The following RCAN2 variants were observed in gnomAD, a reference collection of about 807,000 sequenced individuals.
The protein encoded by RCAN2 is regulator of calcineurin 2, also known as calcipressin-2.
Under a neutral mutation model 23.6 loss-of-function variants are expected in RCAN2, and 9 were observed. The observed-to-expected ratio is 0.38, with a 90% CI of 0.23 to 0.67. The LOEUF (loss-of-function observed/expected upper bound fraction) is 0.67, where lower values mean the gene tolerates loss of function less well. Ranked by LOEUF, RCAN2 falls within the 30% of genes least tolerant of loss-of-function variation. RCAN2 has a pLI of 0.51. For synonymous variants in RCAN2, 109 were observed against 115.7 expected (o/e 0.94, Z 0.37); for missense variants, 273 against 302.3 (o/e 0.90, Z 0.72).
intron 2 of RCAN2, among the ~76,000 whole-genome samples, chr6:46,307,538 G>C (rs1190166828): frequency 2.0e-5 from 3 of 152,080 alleles, no homozygotes; most frequent in African/African-American, 7.2e-5. Flanking sequence ...TTGCTTTATT[G>C]TTGTCATTTA....
intron 2 of RCAN2, among the ~76,000 whole-genome samples, chr6:46,424,928 G>A (rs995417338): frequency 6.6e-6 from 1 of 152,180 alleles, no homozygotes; most frequent in African/African-American, 2.4e-5. Flanking sequence ...GCATAGAGTG[G>A]TGAACAAAGC....
intron 1 of RCAN2, among the ~76,000 whole-genome samples, chr6:46,485,119 G>GA (rs1319202906): frequency 1.4e-4 from 21 of 152,102 alleles, no homozygotes; most frequent in African/African-American, 4.6e-4. Context: ...CCAAAACATA[G>GA]AAAAAAATTG....
intron 2 of RCAN2, among the ~76,000 whole-genome samples, chr6:46,333,156 G>A (rs972938654): frequency 1.3e-5 from 2 of 150,834 alleles, no homozygotes; most frequent in Admixed American, 6.6e-5. Context: ...TGATGGGGTT[G>A]TTTTTTTTTC....
intron 1 of RCAN2, among the ~76,000 whole-genome samples, chr6:46,485,034 C>A (rs1301698321): frequency 6.6e-6 from 1 of 152,158 alleles, no homozygotes; most frequent in Non-Finnish European, 1.5e-5. Context: ...TGTCAGTATA[C>A]AGAGAAAGCT....
At chr6:46,423,382 A>G (rs141444710) in intron 2 of RCAN2, among the ~76,000 whole-genome samples, 1 of 152,332 alleles carries the variant, frequency 6.6e-6, no homozygotes, top group East Asian at 1.9e-4. Flanking sequence ...TCAATATTGT[A>G]GAGGATAGAA....
intron 2 of RCAN2, among the ~76,000 whole-genome samples, chr6:46,395,591 T>C (rs1300441590): frequency 1.3e-5 from 2 of 152,202 alleles, no homozygotes; most frequent in African/African-American, 4.8e-5. Flanking sequence ...TTCAGTAATA[T>C]ACCTTTAAAA....
At chr6:46,457,784 G>A (rs2150433406) in intron 1 of RCAN2, among the ~76,000 whole-genome samples, 1 of 152,256 alleles carries the variant, frequency 6.6e-6, no homozygotes, top group South Asian at 2.1e-4. Context: ...TGGTGCACAG[G>A]TCCCCGTCCC....
chr6:46,343,331 ATT>A (rs1764386199), intron 2 of RCAN2, among the ~76,000 whole-genome samples: 1 of 151,802 alleles, frequency 6.6e-6, no homozygotes, highest in South Asian at 2.1e-4. Context: ...ACCCTTATGT[ATT>A]TCACGTGAGA....
At chr6:46,451,604 C>A (rs961396681) in intron 2 of RCAN2, among the ~76,000 whole-genome samples, 1 of 152,134 alleles carries the variant, frequency 6.6e-6, no homozygotes, top group Non-Finnish European at 1.5e-5. Context: ...CACAAATAAT[C>A]AGATTTAGCT....
intron 1 of RCAN2, among the ~76,000 whole-genome samples, chr6:46,474,110 G>A (rs1448700950): frequency 6.6e-6 from 1 of 152,044 alleles, no homozygotes; most frequent in East Asian, 1.9e-4. Context: ...GGACTCAAAG[G>A]AGAAAGGGAT....
chr6:46,452,881 A>G (rs1052567721), intron 2 of RCAN2, among the ~76,000 whole-genome samples: 3 of 152,146 alleles, frequency 2.0e-5, no homozygotes, highest in Admixed American at 6.5e-5. Context: ...GCATGTGTAT[A>G]CCTATGTAAC....
intron 4 of RCAN2, among the ~76,000 whole-genome samples, chr6:46,230,204 C>A (rs530816918): frequency 2.0e-5 from 3 of 152,176 alleles, no homozygotes; most frequent in Non-Finnish European, 4.4e-5. Flanking sequence ...AGGTGTCTCC[C>A]AGTTAGGCTA....
At chr6:46,302,025 C>G (rs1246551386) in intron 2 of RCAN2, among the ~76,000 whole-genome samples, 1 of 152,034 alleles carries the variant, frequency 6.6e-6, no homozygotes, top group Non-Finnish European at 1.5e-5. Flanking sequence ...GATTATAGTA[C>G]AGCAAGTGTA....
chr6:46,415,810 A>G (rs1264443586), intron 2 of RCAN2, among the ~76,000 whole-genome samples: 5 of 152,222 alleles, frequency 3.3e-5, no homozygotes, highest in African/African-American at 1.2e-4. Context: ...TGAATTTCAT[A>G]TACACTCGTT....
chr6:46,462,894 C>T (rs1298091841), intron 1 of RCAN2, among the ~76,000 whole-genome samples: 3 of 152,082 alleles, frequency 2.0e-5, no homozygotes, highest in Admixed American at 6.6e-5. Context: ...CTCATGAGAG[C>T]AGGGAGCCAT....
chr6:46,342,406 G>T (rs921041624), intron 2 of RCAN2, among the ~76,000 whole-genome samples: 1 of 151,504 alleles, frequency 6.6e-6, no homozygotes, highest in African/African-American at 2.4e-5. Context: ...GGAAGTTTTA[G>T]CCAGGACTGG....
intron 2 of RCAN2, among the ~76,000 whole-genome samples, chr6:46,309,526 T>C (rs1277991415): frequency 6.6e-6 from 1 of 152,186 alleles, no homozygotes; most frequent in South Asian, 2.1e-4. Context: ...CTCTTGAAAC[T>C]CTGATGATTC....
At chr6:46,440,108 C>T (rs570093138) in intron 2 of RCAN2, among the ~76,000 whole-genome samples, 1 of 152,240 alleles carries the variant, frequency 6.6e-6, no homozygotes, top group East Asian at 1.9e-4. Context: ...GTCTCTAAGC[C>T]TTCAGAGTTC....
intron 2 of RCAN2, among the ~76,000 whole-genome samples, chr6:46,289,238 T>A (rs1310032415): frequency 1.3e-5 from 2 of 151,440 alleles, no homozygotes; most frequent in Non-Finnish European, 1.5e-5. Flanking sequence ...ACTTCACTAT[T>A]TTTTCCCCCC....
Sources: gnomAD v4.1 joint callset for allele counts (sites outside exome capture counted in the v4.1 genomes callset) on GRCh38, gnomAD v4.1.1 for gene constraint, MANE v1.5 for transcripts, NCBI Gene and HGNC (gene_info 2026-07-23, HGNC 2026-07-21) for gene names.